Variants in CHN2 observed in about 807,000 individuals in gnomAD.
CHN2 encodes the protein chimerin 2.
Under a neutral mutation model 56.3 loss-of-function variants are expected in CHN2, and 35 were observed. The ratio of observed to expected loss-of-function variants is 0.62; its 90% CI spans 0.47 to 0.82. The LOEUF (loss-of-function observed/expected upper bound fraction) is 0.82, where lower values mean the gene tolerates loss of function less well. Ranked by LOEUF, CHN2 falls within the 40% of genes least tolerant of loss-of-function variation. The pLI, the probability that CHN2 is intolerant of heterozygous loss-of-function variation, is 0.00. For missense variants in CHN2, 491 were observed against 580.5 expected (o/e 0.85, Z 1.58); for synonymous variants, 210 against 212.8 (o/e 0.99, Z 0.12).
At chr7:29,343,876 G>T (rs1797233167) in intron 1 of CHN2, among the ~76,000 whole-genome samples, 1 of 152,118 alleles carries the variant, frequency 6.6e-6, no homozygotes, top group African/African-American at 2.4e-5. Context: ...CTGAACTGCA[G>T]GTCTCTTAGA....
At chr7:29,176,776 T>C (rs1032489293) in intron 2 of CHN2, among the ~76,000 whole-genome samples, 4 of 152,000 alleles carry the variant, frequency 2.6e-5, no homozygotes, top group African/African-American at 9.7e-5. Flanking sequence ...AAAAACGAGA[T>C]TGAGCTGAAA....
chr7:29,226,972 T>A (rs1786257745), intron 1 of CHN2, among the ~76,000 whole-genome samples: 1 of 152,228 alleles, frequency 6.6e-6, no homozygotes, highest in Non-Finnish European at 1.5e-5. Flanking sequence ...ACACACACAG[T>A]TCCTGTCACT....
intron 3 of CHN2, among the ~76,000 whole-genome samples, chr7:29,377,341 A>C (rs185406352): frequency 5.9e-4 from 90 of 152,348 alleles, no homozygotes; most frequent in African/African-American, 1.9e-3. Flanking sequence ...CAGTCTTAAT[A>C]TGATGATTCA....
chr7:29,371,892 A>G (rs1348637865), intron 3 of CHN2, among the ~76,000 whole-genome samples: 2 of 151,966 alleles, frequency 1.3e-5, no homozygotes, highest in African/African-American at 4.8e-5. Context: ...GGTTTGGGCC[A>G]TTGTCATTTC....
chr7:29,306,761 T>C (rs1284996623), intron 1 of CHN2, among the ~76,000 whole-genome samples: 1 of 152,240 alleles, frequency 6.6e-6, no homozygotes, highest in East Asian at 1.9e-4. Context: ...AACTCCCTCC[T>C]GTCCCAGTAG....
At chr7:29,489,280 T>G (rs1788390362) in intron 7 of CHN2, among the ~76,000 whole-genome samples, 1 of 152,228 alleles carries the variant, frequency 6.6e-6, no homozygotes, top group African/African-American at 2.4e-5. Flanking sequence ...CCGTGCCTAG[T>G]GTAATAGTCT....
At chr7:29,378,945 C>G (rs1265282875) in intron 3 of CHN2, among the ~76,000 whole-genome samples, 1 of 152,178 alleles carries the variant, frequency 6.6e-6, no homozygotes, top group Non-Finnish European at 1.5e-5. Flanking sequence ...AGCCTGGAGA[C>G]AGAGCGAGAC....
At chr7:29,239,169 C>T (rs1369787871) in intron 1 of CHN2, among the ~76,000 whole-genome samples, 9 of 152,042 alleles carry the variant, frequency 5.9e-5, no homozygotes, top group Admixed American at 2.0e-4. Context: ...ATTGCTCAGG[C>T]CAGAGTGATG....
At chr7:29,391,230 CTG>C (rs1349864646) in intron 3 of CHN2, among the ~76,000 whole-genome samples, 4 of 151,692 alleles carry the variant, frequency 2.6e-5, no homozygotes, top group African/African-American at 4.8e-5. Context: ...TCTCTTACTT[CTG>C]TCTTTCCTAT....
At position 29,451,291 on chromosome 7, in the gene CHN2, A is replaced by C. The variant is rs529273221; in HGVS notation, c.577-28988A>C. ...AAAAGAGCAACTCAATACATAAATG[A>C]TATCAAGGCAGGTAAAGTTCCGTGT... On this transcript the variant is annotated intron_variant, in intron 6 of 12. Coordinates refer to ENST00000222792, the MANE Select transcript of CHN2 (RefSeq NM_004067.4). 8.5e-5 allele frequency among the ~76,000 whole-genome samples: 13 copies of C among 152,312 alleles called. No homozygotes were observed. In the East Asian group the frequency reaches 2.3e-3, roughly 27 times the overall value.
chr7:29,309,892 G>A (rs1474072459), intron 1 of CHN2, among the ~76,000 whole-genome samples: 3 of 152,174 alleles, frequency 2.0e-5, no homozygotes, highest in East Asian at 1.9e-4. Context: ...GATCCAGGTT[G>A]TCTAGGGTCT....
intron 6 of CHN2, among the ~76,000 whole-genome samples, chr7:29,470,241 T>G (rs1297670359): frequency 6.6e-6 from 1 of 152,164 alleles, no homozygotes; most frequent in East Asian, 1.9e-4. Flanking sequence ...CAAGGACCAA[T>G]TGTAGATTTT....
chr7:29,450,473 C>T (rs1471341444), intron 6 of CHN2, among the ~76,000 whole-genome samples: 1 of 152,046 alleles, frequency 6.6e-6, no homozygotes, highest in African/African-American at 2.4e-5. Context: ...GAGGAGAAGT[C>T]CGGGGGAAGT....
intron 3 of CHN2, among the ~76,000 whole-genome samples, chr7:29,387,095 C>G (rs184634109): frequency 1.3e-5 from 2 of 152,268 alleles, no homozygotes; most frequent in Admixed American, 6.5e-5. Context: ...AATAACAGCA[C>G]TCACTTACCT....
At chr7:29,377,570 C>T (rs555598551) in intron 3 of CHN2, among the ~76,000 whole-genome samples, 1 of 152,314 alleles carries the variant, frequency 6.6e-6, no homozygotes, top group African/African-American at 2.4e-5. Flanking sequence ...TCAGTCCATC[C>T]TCTGTGTGCT....
At chr7:29,503,575 C>T (rs1417449498) in intron 9 of CHN2, among the ~76,000 whole-genome samples, 1 of 152,018 alleles carries the variant, frequency 6.6e-6, no homozygotes, top group Non-Finnish European at 1.5e-5. Context: ...AAATAGGGCT[C>T]AGTGGGAAAA....
At chr7:29,378,843 T>C (rs930810356) in intron 3 of CHN2, among the ~76,000 whole-genome samples, 1 of 152,160 alleles carries the variant, frequency 6.6e-6, no homozygotes, top group Non-Finnish European at 1.5e-5. Flanking sequence ...CACATGCCTG[T>C]AGTACCAGCT....
chr7:29,197,452 T>C (rs1216477546), intron 1 of CHN2, among the ~76,000 whole-genome samples: 1 of 152,200 alleles, frequency 6.6e-6, no homozygotes, highest in African/African-American at 2.4e-5. Context: ...ACCTACTTGG[T>C]AGAGTGTCTT....
chr7:29,262,386 AC>A (rs2128832693), intron 1 of CHN2, among the ~76,000 whole-genome samples: 1 of 152,308 alleles, frequency 6.6e-6, no homozygotes, highest in East Asian at 1.9e-4. Flanking sequence ...TACAAAAGTA[AC>A]CCTTGTGGTT....
Sources: allele counts gnomAD v4.1 joint callset (sites outside exome capture counted in the v4.1 genomes callset), GRCh38; gene constraint gnomAD v4.1.1; transcripts MANE v1.5; gene names NCBI Gene and HGNC (gene_info 2026-07-23, HGNC 2026-07-21).